The following RBFOX1 variants were observed in gnomAD, a reference collection of about 807,000 sequenced individuals.
RBFOX1 encodes the protein RNA binding protein fox-1 homolog 1.
RBFOX1 carries 8 observed loss-of-function variants against 57.7 expected under a neutral mutation model. That is an observed-to-expected ratio of 0.14 (90% CI 0.08 to 0.25). The LOEUF (loss-of-function observed/expected upper bound fraction) is 0.25. Among genes scored for constraint, RBFOX1 ranks in the 10% least tolerant of loss-of-function variants. The pLI, the probability that RBFOX1 is intolerant of heterozygous loss-of-function variation, is 1.00. For missense variants in RBFOX1, 611 were observed against 548.5 expected, an observed-to-expected ratio of 1.11 and a Z score of -1.14; for synonymous variants, 326 against 222.4, an observed-to-expected ratio of 1.47 and a Z score of -4.15.
chr16:6,106,572 T>C (rs373180973), intron 1 of RBFOX1, among the ~76,000 whole-genome samples: 1 of 152,162 alleles, frequency 6.6e-6, no homozygotes, highest in Non-Finnish European at 1.5e-5. Context: ...TCATGGACTT[T>C]CGTTCAGAAA....
chr16:7,531,312 A>G (rs1047223898), intron 5 of RBFOX1, among the ~76,000 whole-genome samples: 4 of 152,140 alleles, frequency 2.6e-5, no homozygotes, highest in African/African-American at 9.7e-5. Flanking sequence ...TCATTTATGG[A>G]TAACGTATGG....
chr16:7,483,897 G>T (rs143712807), intron 4 of RBFOX1, among the ~76,000 whole-genome samples: 1 of 152,310 alleles, frequency 6.6e-6, no homozygotes, highest in South Asian at 2.1e-4. Context: ...TAATTCATCC[G>T]CTTAAGTGTA....
intron 5 of RBFOX1, among the ~76,000 whole-genome samples, chr16:7,565,388 A>G (rs957585217): frequency 6.6e-6 from 1 of 152,152 alleles, no homozygotes; most frequent in Non-Finnish European, 1.5e-5. Flanking sequence ...TCAGGTTTAC[A>G]AATCAAATCA....
chr16:7,000,590 T>C (rs12448950), intron 3 of RBFOX1, among the ~76,000 whole-genome samples: 1 of 88,472 alleles, frequency 1.1e-5, no homozygotes, highest in East Asian at 3.6e-4. Context: ...TTCTTTCTTT[T>C]TCTTTCTTTT....
intron 4 of RBFOX1, among the ~76,000 whole-genome samples, chr16:7,355,683 T>A (rs2097202658): frequency 6.6e-6 from 1 of 152,204 alleles, no homozygotes; most frequent in South Asian, 2.1e-4. Context: ...TAAACAGTAA[T>A]ACCATGATTT....
rs928247493 is a variant in RBFOX1 at position 6,321,185 on chromosome 16, A to G, written c.-64+4128A>G. On this transcript the variant is annotated intron_variant, in intron 2 of 15. Coordinates refer to ENST00000550418, the MANE Select transcript of RBFOX1 (RefSeq NM_018723.4). ...TGATGTTTCTATACATATACTGTAT[A>G]GTAATCAGGTCAGGGTAGTTAACAT... Among the ~76,000 whole-genome samples the G allele has an allele frequency of 2.6e-5, 4 of 152,246 alleles. No homozygotes were observed. The East Asian group carries it at 5.8e-4, about 22-fold the overall frequency.
intron 1 of RBFOX1, among the ~76,000 whole-genome samples, chr16:5,437,855 G>A (rs2067963844): frequency 6.6e-6 from 1 of 152,106 alleles, no homozygotes; most frequent in South Asian, 2.1e-4. Flanking sequence ...AAGAACCATT[G>A]AAATATATAT....
At position 7,379,254 on chromosome 16, in the gene RBFOX1, AAG is replaced by A. The variant is rs538256434; in HGVS notation, c.28-138890_28-138889del. ...AGCTTTTTGATTTCACCATAAACTAAAGAGTTTCATTGGTAACTGTGCCCTGC... is the reference window on the plus strand; with the variant it reads ...AGCTTTTTGATTTCACCATAAACTAAAGTTTCATTGGTAACTGTGCCCTGC... On this transcript the variant is annotated intron_variant, in intron 4 of 15. Coordinates refer to ENST00000550418, the MANE Select transcript of RBFOX1 (RefSeq NM_018723.4). 1.8e-3 allele frequency among the ~76,000 whole-genome samples: 273 copies of A among 152,318 alleles called. 2 individuals carry two copies. Among genetic ancestry groups the A allele is most frequent in the African/African-American group, 6.4e-3 (267 of 41,568 alleles).
chr16:5,584,746 C>G (rs1028966209), intron 2 of RBFOX1, among the ~76,000 whole-genome samples: 1 of 152,080 alleles, frequency 6.6e-6, no homozygotes, highest in East Asian at 1.9e-4. Context: ...GCACCGGGGA[C>G]TGTAGTTCTG....
At chr16:6,506,863 G>A (rs1009952648) in intron 2 of RBFOX1, among the ~76,000 whole-genome samples, 12 of 152,164 alleles carry the variant, frequency 7.9e-5, no homozygotes, top group East Asian at 3.9e-4. Context: ...GGCCAGGCTG[G>A]TCTCAAACTC....
At chr16:5,405,092 C>T (rs2151448408) in intron 1 of RBFOX1, among the ~76,000 whole-genome samples, 1 of 152,306 alleles carries the variant, frequency 6.6e-6, no homozygotes, top group East Asian at 1.9e-4. Flanking sequence ...GCAGCTCATT[C>T]ATCATCACAC....
intron 7 of RBFOX1, among the ~76,000 whole-genome samples, chr16:7,592,935 C>G (rs553390691): frequency 6.6e-6 from 1 of 151,778 alleles, no homozygotes; most frequent in African/African-American, 2.4e-5. Context: ...CCCACCTCAG[C>G]CTCCCAAGTA....
chr16:5,325,681 T>C (rs1489128456), intron 1 of RBFOX1, among the ~76,000 whole-genome samples: 2 of 152,198 alleles, frequency 1.3e-5, no homozygotes, highest in African/African-American at 4.8e-5. Context: ...TGAAACCATG[T>C]AGTATGCAAC....
At chr16:6,614,739 G>T (rs1396549178) in intron 2 of RBFOX1, among the ~76,000 whole-genome samples, 1 of 152,094 alleles carries the variant, frequency 6.6e-6, no homozygotes, top group Non-Finnish European at 1.5e-5. Flanking sequence ...TTATCTTCGT[G>T]TGGCATTTTC....
chr16:5,901,787 T>C (rs982146995), intron 4 of RBFOX1, among the ~76,000 whole-genome samples: 1 of 152,260 alleles, frequency 6.6e-6, no homozygotes, highest in African/African-American at 2.4e-5. Context: ...TGAGCTTTTC[T>C]GTATCTTTTC....
chr16:6,223,458 T>C (rs1450713064), intron 1 of RBFOX1, among the ~76,000 whole-genome samples: 1 of 152,038 alleles, frequency 6.6e-6, no homozygotes, highest in Non-Finnish European at 1.5e-5. Flanking sequence ...CCAGTGATGA[T>C]GATCATTTTT....
At chr16:6,025,751 G>A (rs1333366274) in intron 1 of RBFOX1, among the ~76,000 whole-genome samples, 2 of 152,198 alleles carry the variant, frequency 1.3e-5, no homozygotes, top group East Asian at 1.9e-4. Flanking sequence ...TGCAGCCGAC[G>A]TTGTCCATCT....
intron 2 of RBFOX1, among the ~76,000 whole-genome samples, chr16:6,448,834 C>G (rs934426739): frequency 1.3e-5 from 2 of 152,086 alleles, no homozygotes; most frequent in Admixed American, 1.3e-4. Context: ...CATATGTAGC[C>G]ACTATTTTTG....
At chr16:5,864,929 A>G (rs1477512862) in intron 3 of RBFOX1, among the ~76,000 whole-genome samples, 1 of 152,200 alleles carries the variant, frequency 6.6e-6, no homozygotes, top group Non-Finnish European at 1.5e-5. Context: ...ACTTTTTAAA[A>G]AATGTATTTC....
Sources: allele counts gnomAD v4.1 joint callset (sites outside exome capture counted in the v4.1 genomes callset), GRCh38; gene constraint gnomAD v4.1.1; transcripts MANE v1.5; gene names NCBI Gene and HGNC (gene_info 2026-07-23, HGNC 2026-07-21).